Variants in HAO2 observed in about 807,000 individuals in gnomAD.
HAO2 encodes 2-Hydroxyacid oxidase 2.
HAO2 carries 42 observed loss-of-function variants against 37.4 expected under a neutral mutation model. The ratio of observed to expected loss-of-function variants is 1.12; its 90% CI spans 0.88 to 1.45. The LOEUF is 1.45. Among genes scored for constraint, HAO2 ranks in the 40% most tolerant of loss-of-function variants. HAO2 has a pLI of 0.00. For synonymous variants in HAO2, 180 were observed against 162.8 expected (o/e 1.11, Z -0.81); for missense variants, 476 against 430.2 (o/e 1.11, Z -0.94).
At chr1:119,372,023 TG>T (rs1337837369) in intron 1 of HAO2, among the ~76,000 whole-genome samples, 1 of 152,152 alleles carries the variant, frequency 6.6e-6, no homozygotes, top group Non-Finnish European at 1.5e-5. Flanking sequence ...AAACTCTACT[TG>T]GAGGGCATTT....
intron 1 of HAO2, among the ~76,000 whole-genome samples, chr1:119,375,694 C>G (rs1440773076): frequency 6.6e-6 from 1 of 152,082 alleles, no homozygotes; most frequent in Non-Finnish European, 1.5e-5. Context: ...TAATGGACTC[C>G]CAGTTCCACA....
chr1:119,382,345 G>A (rs1256582183), intron 2 of HAO2, among the ~76,000 whole-genome samples: 1 of 152,288 alleles, frequency 6.6e-6, no homozygotes, highest in South Asian at 2.1e-4. Flanking sequence ...TAAAAAGTGT[G>A]TTTTGCATAT....
Position 119,392,147 on chromosome 1 carries a change from G to A in HAO2, c.809G>A (p.Gly270Glu). ...ALTEVVAAVK[G>E]KIEVYLDGGV... is the part of the protein sequence containing the mutation. ...ACAGAAGTGGTGGCTGCTGTAAAGG[G>A]GAAAATTGAAGTCTACCTGGATGGC... The change falls in exon 6 of 8, where the codon GGG becomes GAG. Residue 270 changes from glycine (G) to glutamate (E), a missense_variant. Gly to Glu is a moderately conservative substitution (Grantham distance 98). Transcript: ENST00000325945. 2 of 1,613,298 alleles carry A rather than the reference G, an allele frequency of 1.2e-6. No individual in the cohort carries two copies. The highest frequency in any genetic ancestry group is 2.7e-5 in the African/African-American group (2 of 74,982).
chr1:119,378,627 T>C (rs1288118987), intron 1 of HAO2, among the ~76,000 whole-genome samples: 2 of 152,204 alleles, frequency 1.3e-5, no homozygotes, highest in African/African-American at 2.4e-5. Context: ...GTTGATTCTT[T>C]ATGTCCAAGC....
Position 119,381,060 on chromosome 1 carries a change from T to C in HAO2, c.-8-18T>C. On this transcript the variant is annotated intron_variant, in intron 1 of 7. Coordinates refer to ENST00000325945, the MANE Select transcript of HAO2 (RefSeq NM_016527.4). ...TGTTCTCACTGGGTTTGGTTTGGTT[T>C]TGTTTTCTCCTTGGAAGGTCCAGAA... is the stretch of plus-strand genomic sequence containing the variant. The C allele has an allele frequency of 6.2e-7, 1 of 1,611,666 alleles. No individual in the cohort carries two copies. Among genetic ancestry groups the C allele is most frequent in the Non-Finnish European group, 8.5e-7 (1 of 1,177,974 alleles).
intron 1 of HAO2, among the ~76,000 whole-genome samples, chr1:119,373,188 A>G (rs1324085859): frequency 2.6e-5 from 4 of 152,184 alleles, no homozygotes; most frequent in Non-Finnish European, 5.9e-5. Context: ...TCCAACTTCA[A>G]GTGGAGCTCC....
intron 1 of HAO2, among the ~76,000 whole-genome samples, chr1:119,377,065 G>A (rs1456620660): frequency 1.3e-5 from 2 of 152,112 alleles, no homozygotes; most frequent in African/African-American, 4.8e-5. Context: ...ACATCATCAG[G>A]CTGCAAATTT....
intron 2 of HAO2, among the ~76,000 whole-genome samples, chr1:119,382,516 A>G (rs1173726887): frequency 5.9e-5 from 9 of 152,232 alleles, no homozygotes; most frequent in Non-Finnish European, 7.4e-5. Context: ...ACCTGAGAGG[A>G]AAAGAGACTG....
chr1:119,384,394 G>A (rs947078687), intron 3 of HAO2, among the ~76,000 whole-genome samples: 1 of 152,140 alleles, frequency 6.6e-6, no homozygotes, highest in Admixed American at 6.5e-5. Context: ...ATTCTCCACT[G>A]GAACTACATT....
intron 1 of HAO2, among the ~76,000 whole-genome samples, chr1:119,371,878 A>G (rs1649052858): frequency 6.6e-6 from 1 of 152,186 alleles, no homozygotes; most frequent in Non-Finnish European, 1.5e-5. Flanking sequence ...AAATTATTCC[A>G]CTGTTTGAAA....
chr1:119,382,869 G>A (rs1446351977), intron 2 of HAO2, 46 bp from the exon 3 acceptor site: 2 of 1,586,212 alleles, frequency 1.3e-6, no homozygotes, highest in South Asian at 1.1e-5. Context: ...CCTCCCTGCT[G>A]CAGAATCATC....
chr1:119,378,067 G>T (rs1318580125), intron 1 of HAO2, among the ~76,000 whole-genome samples: 1 of 152,094 alleles, frequency 6.6e-6, no homozygotes, highest in Non-Finnish European at 1.5e-5. Context: ...ATGCATAATT[G>T]TATTTTTAAA....
chr1:119,370,227 C>G (rs1648870616), intron 1 of HAO2: 1 of 152,210 alleles, frequency 6.6e-6, no homozygotes, highest in South Asian at 2.1e-4. Flanking sequence ...AGTCACAGAG[C>G]CATGCCTGTA....
chr1:119,379,187 G>A (rs1649715883), intron 1 of HAO2, among the ~76,000 whole-genome samples: 1 of 152,180 alleles, frequency 6.6e-6, no homozygotes, highest in African/African-American at 2.4e-5. Flanking sequence ...ACCTGAGCAG[G>A]TCAGTAGAGA....
intron 1 of HAO2, among the ~76,000 whole-genome samples, chr1:119,370,759 T>C (rs1362430322): frequency 6.6e-6 from 1 of 152,148 alleles, no homozygotes; most frequent in African/African-American, 2.4e-5. Context: ...AAACACAGTC[T>C]GGGTAGTTGC....
intron 5 of HAO2, among the ~76,000 whole-genome samples, chr1:119,391,288 C>T (rs587762902): frequency 6.6e-6 from 1 of 152,236 alleles, no homozygotes; most frequent in East Asian, 1.9e-4. Flanking sequence ...GAGGGTGTTC[C>T]AGAACTCCCT....
intron 7 of HAO2, among the ~76,000 whole-genome samples, chr1:119,393,560 C>T (rs1308404310): frequency 3.3e-5 from 5 of 152,038 alleles, no homozygotes; most frequent in African/African-American, 9.7e-5. Flanking sequence ...ACATGTTTAC[C>T]CTGACATTTT....
In HAO2 at chr1:119,382,966, A is replaced by G; in HGVS notation, c.183A>G (p.Arg61=). Reference sequence around the variant, plus strand: ...GAGATGTGTCTGAGGTGGACACCAGAACCACAATCCAAGGGGAGGAGATCA... The same window carrying G: ...GAGATGTGTCTGAGGTGGACACCAGGACCACAATCCAAGGGGAGGAGATCA... ...YLRDVSEVDT[R]TTIQGEEISA... The change falls in exon 3 of 8, where the codon AGA becomes AGG. Residue 61 remains arginine (R), a synonymous_variant. Transcript: ENST00000325945. 6.2e-7 allele frequency: 1 copy of G among 1,613,538 alleles called. No individual in the cohort carries two copies. Among genetic ancestry groups the G allele is most frequent in the Non-Finnish European group, 8.5e-7 (1 of 1,179,556 alleles).
intron 4 of HAO2, chr1:119,385,983 C>A (rs925437895): frequency 1.4e-6 from 1 of 729,792 alleles, no homozygotes; most frequent in Non-Finnish European, 1.7e-6. Context: ...CCAATAAATG[C>A]TTTTGCTTAT....
Sources: allele counts gnomAD v4.1 joint callset (sites outside exome capture counted in the v4.1 genomes callset), GRCh38; gene constraint gnomAD v4.1.1; transcripts MANE v1.5; gene names NCBI Gene and HGNC (gene_info 2026-07-23, HGNC 2026-07-21).